Variants in TMEM45B observed in about 807,000 individuals in gnomAD.
TMEM45B encodes transmembrane protein 45B.
A neutral mutation model predicts 27.3 loss-of-function variants in TMEM45B; 29 were observed. The ratio of observed to expected loss-of-function variants is 1.06; its 90% CI spans 0.79 to 1.45. TMEM45B has a LOEUF of 1.45. Ranked by LOEUF, TMEM45B falls within the 40% of genes most tolerant of loss-of-function variation. TMEM45B has a pLI of 0.00. For missense variants in TMEM45B, 348 were observed against 343.9 expected (o/e 1.01, Z -0.09); for synonymous variants, 143 against 134.7 (o/e 1.06, Z -0.43).
chr11:129,852,472 T>C lies in TMEM45B; in HGVS notation c.-8-3T>C, dbSNP rs767868460. On this transcript the variant is annotated splice_region_variant and splice_polypyrimidine_tract_variant and intron_variant, in intron 1 of 5. Coordinates refer to ENST00000281441, the MANE Select transcript of TMEM45B (RefSeq NM_138788.5). ...ACCTAACAGCCTTCCCCTAATTTTT[T>C]AGGTGTCCTGATGGCAAATTTCAAG... 1 of 1,581,842 alleles carries C rather than the reference T, an allele frequency of 6.3e-7. No individual in the cohort carries two copies. The highest frequency in any genetic ancestry group is 8.7e-7 in the Non-Finnish European group (1 of 1,155,536).
intron 1 of TMEM45B, among the ~76,000 whole-genome samples, chr11:129,847,974 A>G (rs61913685): frequency 2.1e-4 from 32 of 151,546 alleles, no homozygotes; most frequent in South Asian, 6.3e-4. Flanking sequence ...CCGGGCAGAG[A>G]CGCTCCTCAC....
At chr11:129,839,574 G>A (rs1016186239) in intron 1 of TMEM45B, among the ~76,000 whole-genome samples, 7 of 152,188 alleles carry the variant, frequency 4.6e-5, no homozygotes, top group East Asian at 1.9e-4. Context: ...GTCACCCAGC[G>A]GTGGAGTGAC....
At chr11:129,841,592 G>GTTTTTTTTTTTT in intron 1 of TMEM45B, among the ~76,000 whole-genome samples, 1 of 124,598 alleles carries the variant, frequency 8.0e-6, no homozygotes, top group Non-Finnish European at 1.6e-5. Flanking sequence ...TTGTTTTTTT[G>GTTTTTTTTTTTT]TTTTTTTTTT....
At chr11:129,855,960 A>T in intron 4 of TMEM45B, 68 bp downstream of exon 4, 1 of 1,570,714 alleles carries the variant, frequency 6.4e-7, no homozygotes, top group Non-Finnish European at 8.7e-7. Flanking sequence ...CATCCCAGAG[A>T]AATCCCTGAC....
At chr11:129,833,490 T>C (rs1947579144) in intron 1 of TMEM45B, among the ~76,000 whole-genome samples, 1 of 151,772 alleles carries the variant, frequency 6.6e-6, no homozygotes, top group South Asian at 2.1e-4. Context: ...AGAGGAACTT[T>C]AGGGCCAGGC....
Position 129,859,363 on chromosome 11 carries a change from T to C in TMEM45B, c.*678T>C, listed in dbSNP as rs1326757441. On this transcript the variant is annotated 3_prime_UTR_variant, in exon 6 of 6. Transcript: ENST00000281441. ...AGAGTTGGAGCCCTGATGTTCTGAT[T>C]CTTCAAAGTCACCCTAAAAGAAGAT... 1 of 152,152 alleles carries C rather than the reference T, an allele frequency of 6.6e-6. No homozygotes were observed. Among genetic ancestry groups the C allele is most frequent in the Non-Finnish European group, 1.5e-5 (1 of 68,036 alleles). The allele number at this position is 152,152 out of a possible 1,614,324, so 9.4% of individuals were successfully genotyped here.
intron 1 of TMEM45B, among the ~76,000 whole-genome samples, chr11:129,841,587 T>C (rs2135581194): frequency 7.6e-6 from 1 of 131,554 alleles, no homozygotes; most frequent in Non-Finnish European, 1.7e-5. Flanking sequence ...TTCTTTTGTT[T>C]TTTTGTTTTT....
chr11:129,822,994 C>T (rs1365984149), intron 1 of TMEM45B, among the ~76,000 whole-genome samples: 1 of 152,046 alleles, frequency 6.6e-6, no homozygotes, highest in East Asian at 1.9e-4. Context: ...GCGCCCACCA[C>T]CATGCCCAGC....
intron 1 of TMEM45B, among the ~76,000 whole-genome samples, chr11:129,848,506 A>AGAGAGGGAGAGG (rs66700369): frequency 4.0e-5 from 6 of 151,712 alleles, no homozygotes; most frequent in African/African-American, 1.2e-4. Flanking sequence ...GACCGTGGAA[A>AGAGAGGGAGAGG]GAGAGGGAGA....
chr11:129,819,087 T>C (rs541691112), intron 1 of TMEM45B, among the ~76,000 whole-genome samples: 2 of 152,380 alleles, frequency 1.3e-5, no homozygotes, highest in African/African-American at 2.4e-5. Flanking sequence ...CTAACTGTTA[T>C]TATAACTGTA....
At chr11:129,819,321 G>A (rs996291769) in intron 1 of TMEM45B, among the ~76,000 whole-genome samples, 2 of 152,234 alleles carry the variant, frequency 1.3e-5, no homozygotes, top group African/African-American at 2.4e-5. Flanking sequence ...CAAGTAAGGA[G>A]TTTGTTTTTC....
intron 1 of TMEM45B, among the ~76,000 whole-genome samples, chr11:129,816,192 C>T (rs1233891639): frequency 6.6e-6 from 1 of 152,106 alleles, no homozygotes; most frequent in African/African-American, 2.4e-5. Flanking sequence ...GTCCGGCTGG[C>T]CGCGGCCCTG....
chr11:129,843,968 C>T (rs983778030), intron 1 of TMEM45B, among the ~76,000 whole-genome samples: 2 of 152,152 alleles, frequency 1.3e-5, no homozygotes, highest in Non-Finnish European at 2.9e-5. Flanking sequence ...CAAATAAACT[C>T]CCTATCTTGA....
intron 1 of TMEM45B, among the ~76,000 whole-genome samples, chr11:129,834,695 C>T (rs192022929): frequency 1.6e-4 from 24 of 150,610 alleles, no homozygotes; most frequent in African/African-American, 5.0e-4. Flanking sequence ...CCTGTAGTCC[C>T]GGCTACTCGG....
In TMEM45B at chr11:129,852,544, G is replaced by C. The variant is rs757744988; in HGVS notation, c.62G>C (p.Trp21Ser). The change falls in exon 2 of 6, where the codon TGG (tryptophan) becomes TCG (serine). Residue 21 changes from tryptophan (W) to serine (S), a missense_variant. Transcript: ENST00000281441. ...TTCTTCCTGATCATTGGGCTGTGTT[G>C]GTCAGTGAAGTACCCGCTGAAGTAC... ...GSFFLIIGLCWSVKYPLKYFS... is the reference protein window; with the variant it reads ...GSFFLIIGLCSSVKYPLKYFS... 1.2e-6 allele frequency: 2 copies of C among 1,613,720 alleles called. No homozygotes were observed. Among genetic ancestry groups the C allele is most frequent in the South Asian group, 2.2e-5 (2 of 91,070 alleles).
chr11:129,845,923 G>T (rs1334316869), intron 1 of TMEM45B, among the ~76,000 whole-genome samples: 1 of 152,204 alleles, frequency 6.6e-6, no homozygotes, highest in African/African-American at 2.4e-5. Context: ...CAAGAAAAAG[G>T]CAAAGGGAAT....
rs1345173584 is a variant in TMEM45B at position 129,847,900 on chromosome 11, T to C, written c.-8-4575T>C. On this transcript the variant is annotated intron_variant, in intron 1 of 5. Coordinates refer to ENST00000281441, the MANE Select transcript of TMEM45B (RefSeq NM_138788.5). The stretch of plus-strand genomic sequence containing the variant: ...GGCCCGTTCTCAATGAGCTGTTGGG[T>C]ACACCTCCCAGATGGGGTGGTGGTG... 7.3e-5 allele frequency among the ~76,000 whole-genome samples: 11 copies of C among 150,916 alleles called. No homozygotes were observed. The East Asian group carries it at 1.6e-3, about 22-fold the overall frequency.
chr11:129,852,892 A>G, intron 2 of TMEM45B: 2 of 380,790 alleles, frequency 5.3e-6, no homozygotes, highest in East Asian at 7.8e-5. Context: ...CAAATCAACA[A>G]GGACACAGGT....
At chr11:129,856,575 TCTG>T (rs1300418384) in intron 4 of TMEM45B, among the ~76,000 whole-genome samples, 10 of 91,924 alleles carry the variant, frequency 1.1e-4, no homozygotes, top group African/African-American at 4.3e-4. Flanking sequence ...TTTTTTTTTT[TCTG>T]AGACAGAGTC....
Sources: allele counts gnomAD v4.1 joint callset (sites outside exome capture counted in the v4.1 genomes callset), GRCh38; gene constraint gnomAD v4.1.1; transcripts MANE v1.5; gene names NCBI Gene and HGNC (gene_info 2026-07-23, HGNC 2026-07-21).